Variants in KCNQ5 observed in about 807,000 individuals in gnomAD.
KCNQ5 encodes potassium voltage-gated channel subfamily Q member 5, also known as potassium voltage-gated channel subfamily KQT member 5.
KCNQ5 carries 30 observed loss-of-function variants against 98.2 expected under a neutral mutation model. That is an observed-to-expected ratio of 0.31 (90% confidence interval 0.23 to 0.41). KCNQ5 has a LOEUF of 0.41. KCNQ5 is among the 10% of genes least tolerant of loss of function. KCNQ5 has a pLI of 1.00. For missense variants in KCNQ5, 835 were observed against 1,182.5 expected, an observed-to-expected ratio of 0.71 and a Z score of 4.31; for synonymous variants, 458 against 449.4, an observed-to-expected ratio of 1.02 and a Z score of -0.24.
intron 1 of KCNQ5, among the ~76,000 whole-genome samples, chr6:72,862,922 C>G (rs961433720): frequency 2.0e-5 from 3 of 152,100 alleles, no homozygotes; most frequent in East Asian, 1.9e-4. Flanking sequence ...ACCACTGCAC[C>G]GGGCCACCAA....
intron 9 of KCNQ5, among the ~76,000 whole-genome samples, chr6:73,132,795 G>A (rs535241975): frequency 1.2e-4 from 19 of 152,220 alleles, no homozygotes; most frequent in African/African-American, 4.3e-4. Flanking sequence ...TTATCTGTTG[G>A]GGCTGTTCTA....
chr6:72,703,375 G>A (rs113667990), intron 1 of KCNQ5, among the ~76,000 whole-genome samples: 12 of 152,232 alleles, frequency 7.9e-5, no homozygotes, highest in African/African-American at 2.2e-4. Flanking sequence ...ATGAGCCCAC[G>A]TCCTGGCATA....
intron 1 of KCNQ5, among the ~76,000 whole-genome samples, chr6:72,726,618 G>A (rs1047792774): frequency 6.6e-5 from 10 of 152,146 alleles, no homozygotes; most frequent in African/African-American, 2.2e-4. Context: ...CTTGTGAAAG[G>A]TGACTGCCAG....
chr6:72,922,810 C>CTTTTTCTTTTTTTTT (rs1554186016), intron 1 of KCNQ5, among the ~76,000 whole-genome samples: 5 of 103,858 alleles, frequency 4.8e-5, no homozygotes, highest in Non-Finnish European at 7.7e-5. Context: ...TTTTCTTTTT[C>CTTTTTCTTTTTTTTT]TTTTTTTTTT....
intron 1 of KCNQ5, among the ~76,000 whole-genome samples, chr6:72,760,614 C>T (rs1772218972): frequency 6.6e-6 from 1 of 152,172 alleles, no homozygotes; most frequent in Admixed American, 6.6e-5. Context: ...AGCCATAAGT[C>T]TCTGCCAAAG....
intron 1 of KCNQ5, among the ~76,000 whole-genome samples, chr6:72,948,993 T>C (rs1766673603): frequency 6.6e-6 from 1 of 152,228 alleles, no homozygotes; most frequent in Admixed American, 6.5e-5. Context: ...GTATTGTTAT[T>C]GGATCAAAAT....
At chr6:72,630,775 G>T (rs1291093100) in intron 1 of KCNQ5, among the ~76,000 whole-genome samples, 2 of 152,150 alleles carry the variant, frequency 1.3e-5, no homozygotes, top group East Asian at 3.8e-4. Flanking sequence ...CAATGTGCTG[G>T]AAGGCTGTAT....
intron 7 of KCNQ5, among the ~76,000 whole-genome samples, chr6:73,117,631 A>G (rs182279129): frequency 5.8e-4 from 89 of 152,304 alleles, no homozygotes; most frequent in African/African-American, 2.1e-3. Context: ...GACCTGCCAT[A>G]TGCTTCTAGT....
chr6:73,059,438 A>G (rs747636652), intron 3 of KCNQ5, among the ~76,000 whole-genome samples: 3 of 152,210 alleles, frequency 2.0e-5, no homozygotes, highest in Non-Finnish European at 2.9e-5. Flanking sequence ...GAGGGAGAGC[A>G]TAAAAAAACT....
chr6:72,623,328 T>C (rs1581994262), intron 1 of KCNQ5, among the ~76,000 whole-genome samples: 1 of 151,026 alleles, frequency 6.6e-6, no homozygotes, highest in Non-Finnish European at 1.5e-5. Flanking sequence ...GAAGCGCAAA[T>C]GGGTCGCCTC....
intron 1 of KCNQ5, among the ~76,000 whole-genome samples, chr6:72,688,927 C>A (rs1442318230): frequency 2.0e-5 from 3 of 152,060 alleles, no homozygotes; most frequent in Non-Finnish European, 4.4e-5. Flanking sequence ...AGAAATATTT[C>A]ATGTCAAAAC....
Position 72,711,520 on chromosome 6 carries a change from A to G in KCNQ5, c.398+88933A>G, listed in dbSNP as rs554878083. Among the ~76,000 whole-genome samples the G allele has an allele frequency of 1.3e-3, 195 of 152,262 alleles. 1 individual carries two copies. In the South Asian group the frequency reaches 0.016, roughly 12 times the overall value. On this transcript the variant is annotated intron_variant, in intron 1 of 13. Transcript: ENST00000370398. ...ACACATGAGAGTGGTGCCTGGGGAG[A>G]TGAGAGAGGTAGAGGGAAGCCAAAT...
chr6:72,884,594 CATT>C (rs1778780243), intron 1 of KCNQ5, among the ~76,000 whole-genome samples: 1 of 150,468 alleles, frequency 6.6e-6, no homozygotes, highest in Non-Finnish European at 1.5e-5. Flanking sequence ...CAATAGAAAT[CATT>C]ATAAAAATTC....
Position 73,124,496 on chromosome 6 carries a change from G to A in KCNQ5, c.1231G>A (p.Gly411Arg), listed in dbSNP as rs1775868828. ...HTCSPTKKEQ[G>R]EASSSQKLSF... ...TGCACGCACCTGAAGGAAAGAACAA[G>A]GGGAAGCATCAAGCAGGTTTGTGAT... Residue 411 changes from glycine to arginine, a missense_variant, in exon 9 of 14, where the codon GGG becomes AGG. Gly to Arg is a moderately radical substitution (Grantham distance 125, BLOSUM62 -2). Around this residue, in one of 10 missense-constraint regions of KCNQ5, gnomAD observed 146 missense variants for 256.7 expected, o/e 0.57. Coordinates refer to ENST00000370398, the MANE Select transcript of KCNQ5 (RefSeq NM_019842.4). 6.2e-7 allele frequency: 1 copy of A among 1,613,502 alleles called. No individual in the cohort carries two copies. The highest frequency in any genetic ancestry group is 8.5e-7 in the Non-Finnish European group (1 of 1,179,574).
At chr6:73,193,247 T>A (rs1228687866) in intron 13 of KCNQ5, among the ~76,000 whole-genome samples, 2 of 151,368 alleles carry the variant, frequency 1.3e-5, no homozygotes, top group African/African-American at 4.8e-5. Context: ...CTCAAACTCC[T>A]GACCTCAAGT....
At chr6:73,088,064 C>G (rs1436761369) in intron 5 of KCNQ5, among the ~76,000 whole-genome samples, 1 of 149,396 alleles carries the variant, frequency 6.7e-6, no homozygotes, top group African/African-American at 2.5e-5. Context: ...CTCTGTTGCC[C>G]AGGCTGGAGT....
chr6:72,851,130 A>G (rs1777235894), intron 1 of KCNQ5, among the ~76,000 whole-genome samples: 1 of 152,180 alleles, frequency 6.6e-6, no homozygotes, highest in African/African-American at 2.4e-5. Context: ...TTATCAGATT[A>G]AGGATGGTAT....
intron 1 of KCNQ5, among the ~76,000 whole-genome samples, chr6:72,636,686 T>A (rs1442859779): frequency 1.3e-5 from 2 of 152,192 alleles, no homozygotes; most frequent in African/African-American, 4.8e-5. Context: ...TAACCTGACC[T>A]CTTGCTAAGT....
At chr6:73,137,672 A>G (rs894568778) in intron 10 of KCNQ5, among the ~76,000 whole-genome samples, 11 of 152,116 alleles carry the variant, frequency 7.2e-5, no homozygotes, top group Non-Finnish European at 1.5e-4. Context: ...CAATACCCCT[A>G]TGGAGTAGCT....
Sources: gnomAD v4.1 joint callset for allele counts (sites outside exome capture counted in the v4.1 genomes callset) on GRCh38, gnomAD v4.1.1 for gene constraint, gnomAD v4.1.1 regional missense constraint, MANE v1.5 for transcripts, NCBI Gene and HGNC (gene_info 2026-07-23, HGNC 2026-07-21) for gene names.